The following CD4 variants were observed in gnomAD, a reference collection of about 807,000 sequenced individuals.
CD4 encodes T-cell surface glycoprotein CD4.
Under a neutral mutation model 50.5 loss-of-function variants are expected in CD4, and 25 were observed. That is an observed-to-expected ratio of 0.49 (90% CI 0.36 to 0.69). The LOEUF is 0.69. Ranked by LOEUF, CD4 falls within the 30% of genes least tolerant of loss-of-function variation. The probability of loss-of-function intolerance (pLI) is 0.00; values close to 1 mark genes in which losing one functional copy is unlikely to be tolerated. For synonymous variants in CD4, 207 were observed against 221.9 expected (o/e 0.93, Z 0.60); for missense variants, 456 against 548.5 (o/e 0.83, Z 1.68).
intron 3 of CD4, among the ~76,000 whole-genome samples, chr12:6,804,442 G>T (rs1341593049): frequency 6.6e-6 from 1 of 152,172 alleles, no homozygotes; most frequent in African/African-American, 2.4e-5. Flanking sequence ...CAAAGAATCT[G>T]TAAGAAACTT....
chr12:6,817,188 G>A lies in CD4; in HGVS notation c.1014G>A (p.Leu338=), dbSNP rs1367079351. ...CEVWGPTSPK[L]MLSLKLENKE... Reference sequence around the variant, plus strand: ...TGTGGGGACCCACCTCCCCTAAGCTGATGCTGAGTTTGAAACTGGAGAACA... The same window carrying A: ...TGTGGGGACCCACCTCCCCTAAGCTAATGCTGAGTTTGAAACTGGAGAACA... The change falls in exon 7 of 10, where the codon CTG becomes CTA. Residue 338 remains leucine (L), a synonymous_variant. Coordinates refer to ENST00000011653, the MANE Select transcript of CD4 (RefSeq NM_000616.5). 10 of 1,613,992 alleles carry A rather than the reference G, an allele frequency of 6.2e-6. No individual in the cohort carries two copies. Among genetic ancestry groups the A allele is most frequent in the Non-Finnish European group, 7.6e-6 (9 of 1,179,960 alleles).
chr12:6,815,078 T>C (rs1400011362), intron 5 of CD4, 86 bp downstream of exon 5: 1 of 940,078 alleles, frequency 1.1e-6, no homozygotes, highest in East Asian at 2.7e-5. Context: ...CTGTTTCTGG[T>C]TCTGGTGCTG....
intron 3 of CD4, among the ~76,000 whole-genome samples, chr12:6,808,240 G>C (rs1321468516): frequency 5.9e-5 from 2 of 33,658 alleles, no homozygotes; most frequent in Non-Finnish European, 1.1e-4. Flanking sequence ...GGATCACGAG[G>C]TCAGGAGATT....
rs1170197766 is a variant in CD4 at position 6,800,088 on chromosome 12, GGGCTCAGGTCCCTACT to G, written c.-42_-27del. The G allele has an allele frequency of 2.6e-6, 4 of 1,552,884 alleles. No homozygotes were observed. The East Asian group carries it at 9.0e-5, about 35-fold the overall frequency. On this transcript the variant is annotated 5_prime_UTR_variant, in exon 2 of 10. Coordinates refer to ENST00000011653, the MANE Select transcript of CD4 (RefSeq NM_000616.5). Reference sequence around the variant, plus strand: ...TTCCCTCAGGCCCTGCCATTTCTGTGGGCTCAGGTCCCTACTGGCTCAGGCCCCTGCCTCCCTCGGC... The same window carrying G: ...TTCCCTCAGGCCCTGCCATTTCTGTGGGCTCAGGCCCCTGCCTCCCTCGGC...
chr12:6,807,122 G>A (rs908957900), intron 3 of CD4, among the ~76,000 whole-genome samples: 3 of 152,086 alleles, frequency 2.0e-5, no homozygotes, highest in Non-Finnish European at 4.4e-5. Context: ...AGCCGAGATC[G>A]CGCCATTGCA....
chr12:6,814,878 G>A lies in CD4; in HGVS notation c.493G>A (p.Gly165Arg), dbSNP rs371349550. ...GAGTCCAAGGGGTAAAAACATACAG[G>A]GGGGGAAGACCCTCTCCGTGTCTCA... ...CRSPRGKNIQ[G>R]GKTLSVSQLE... is the part of the protein sequence containing the mutation. Residue 165 changes from glycine (G) to arginine (R), a missense_variant, in exon 5 of 10, where the codon GGG becomes AGG. Transcript: ENST00000011653. 1.7e-5 allele frequency: 28 copies of A among 1,613,554 alleles called. No homozygotes were observed. The highest frequency in any genetic ancestry group is 2.2e-5 in the Non-Finnish European group (26 of 1,179,666).
chr12:6,814,764 G>A lies in CD4; in HGVS notation c.379G>A (p.Ala127Thr), dbSNP rs782100522. Reference protein sequence around the residue: ...EVQLLVFGLTANSDTHLLQGQ... With the variant: ...EVQLLVFGLTTNSDTHLLQGQ... Reference sequence around the variant, plus strand: ...GCTGGCCTTTCCCTCCACAGTGACTGCCAACTCTGACACCCACCTGCTTCA... The same window carrying A: ...GCTGGCCTTTCCCTCCACAGTGACTACCAACTCTGACACCCACCTGCTTCA... Residue 127 changes from alanine (A) to threonine (T), a missense_variant, in exon 5 of 10, where the codon GCC becomes ACC. Coordinates refer to ENST00000011653, the MANE Select transcript of CD4 (RefSeq NM_000616.5). 3.7e-6 allele frequency: 6 copies of A among 1,613,226 alleles called. No homozygotes were observed. The highest frequency in any genetic ancestry group is 5.1e-6 in the Non-Finnish European group (6 of 1,179,494).
intron 3 of CD4, among the ~76,000 whole-genome samples, chr12:6,808,079 C>CAAA (rs34876182): frequency 9.3e-4 from 65 of 70,048 alleles, no homozygotes; most frequent in Non-Finnish European, 1.3e-3. Context: ...GGCTCTTTCT[C>CAAA]AAAAAAAAAA....
chr12:6,817,606 G>T (rs1360598119), intron 7 of CD4, among the ~76,000 whole-genome samples: 1 of 150,976 alleles, frequency 6.6e-6, no homozygotes, highest in Non-Finnish European at 1.5e-5. Flanking sequence ...CCACCTGACC[G>T]AGAGCCCCCC....
At chr12:6,793,693 TA>T (rs755366900) in intron 1 of CD4, among the ~76,000 whole-genome samples, 29,543 of 107,016 alleles carry the variant, frequency 0.28, 3,957 homozygotes, top group East Asian at 0.42. Context: ...TCTATCTATC[TA>T]TCTATCTATC....
At chr12:6,800,830 C>T (rs782783358) in intron 3 of CD4, among the ~76,000 whole-genome samples, 25 of 151,766 alleles carry the variant, frequency 1.6e-4, no homozygotes, top group Non-Finnish European at 2.9e-4. Context: ...AGGCTGAGGC[C>T]GGAGGATTGC....
At position 6,812,404 on chromosome 12, in the gene CD4, G is replaced by A. The variant is rs901977625; in HGVS notation, c.215-1738G>A. ...CAAACAAAAAAAGAAAGCAGGCTGGGTGTGGTGGCTCACGCCTGTAACCCC... is the reference window on the plus strand; with the variant it reads ...CAAACAAAAAAAGAAAGCAGGCTGGATGTGGTGGCTCACGCCTGTAACCCC... On this transcript the variant is annotated intron_variant, in intron 3 of 9. Transcript: ENST00000011653. Among the ~76,000 whole-genome samples the A allele has an allele frequency of 4.6e-5, 7 of 152,282 alleles. 1 individual carries two copies. The highest frequency in any genetic ancestry group is 6.5e-5 in the Admixed American group (1 of 15,290).
At chr12:6,791,345 C>T (rs752549684) in intron 1 of CD4, among the ~76,000 whole-genome samples, 2 of 152,330 alleles carry the variant, frequency 1.3e-5, no homozygotes, top group East Asian at 1.9e-4. Flanking sequence ...TGGGTTCAAG[C>T]GATTCTCCTG....
chr12:6,819,198 C>G, intron 9 of CD4, 101 bp from the exon 10 acceptor site: 1 of 1,195,686 alleles, frequency 8.4e-7, no homozygotes, highest in South Asian at 1.2e-5. Context: ...TGCTGGAAAG[C>G]CACTGGAGCT....
chr12:6,811,498 T>C (rs1367371753), intron 3 of CD4, among the ~76,000 whole-genome samples: 8 of 140,658 alleles, frequency 5.7e-5, no homozygotes, highest in East Asian at 2.0e-4. Flanking sequence ...TTTCTTTTTT[T>C]TTTTTTTTTT....
chr12:6,814,237 T>A lies in CD4; in HGVS notation c.310T>A (p.Ser104Thr), dbSNP rs201280254. Reference sequence around the variant, plus strand: ...CATCAAGAATCTTAAGATAGAAGACTCAGATACTTACATCTGTGAAGTGGA... The same window carrying A: ...CATCAAGAATCTTAAGATAGAAGACACAGATACTTACATCTGTGAAGTGGA... The part of the protein sequence containing the change: ...LIIKNLKIED[S>T]DTYICEVEDQ... Residue 104 changes from serine to threonine, a missense_variant, in exon 4 of 10, where the codon TCA becomes ACA. Ser to Thr is a moderately conservative substitution (Grantham distance 58, BLOSUM62 1). Coordinates refer to ENST00000011653, the MANE Select transcript of CD4 (RefSeq NM_000616.5). The A allele has an allele frequency of 1.3e-5, 21 of 1,614,048 alleles. No individual in the cohort carries two copies. Among genetic ancestry groups the A allele is most frequent in the Non-Finnish European group, 1.6e-5 (19 of 1,179,940 alleles).
At chr12:6,801,839 C>T (rs1555115387) in intron 3 of CD4, among the ~76,000 whole-genome samples, 3 of 148,398 alleles carry the variant, frequency 2.0e-5, no homozygotes, top group Admixed American at 6.8e-5. Context: ...GGATTACAGG[C>T]GTGAGTCACT....
At chr12:6,804,259 C>G (rs1231951984) in intron 3 of CD4, among the ~76,000 whole-genome samples, 3 of 152,090 alleles carry the variant, frequency 2.0e-5, no homozygotes, top group Admixed American at 2.0e-4. Context: ...TTCTTTCTCC[C>G]TAAGTGCAGG....
intron 7 of CD4, among the ~76,000 whole-genome samples, chr12:6,817,906 C>A (rs1232039124): frequency 6.6e-6 from 1 of 151,964 alleles, no homozygotes; most frequent in African/African-American, 2.4e-5. Context: ...CATACTCTCA[C>A]CCACACACTG....
Sources: gnomAD v4.1 joint callset for allele counts (sites outside exome capture counted in the v4.1 genomes callset) on GRCh38, gnomAD v4.1.1 for gene constraint, MANE v1.5 for transcripts, NCBI Gene and HGNC (gene_info 2026-07-23, HGNC 2026-07-21) for gene names.